Variants in STAT5A observed in about 807,000 individuals in gnomAD.
STAT5A encodes epididymis secretory sperm binding protein.
A neutral mutation model predicts 100.2 loss-of-function variants in STAT5A; 26 were observed. The observed-to-expected ratio is 0.26, with a 90% CI of 0.19 to 0.36. The LOEUF (loss-of-function observed/expected upper bound fraction) is 0.36, where lower values mean the gene tolerates loss of function less well. Among genes scored for constraint, STAT5A ranks in the 10% least tolerant of loss-of-function variants. STAT5A has a pLI of 1.00. For missense variants in STAT5A, 634 were observed against 1,027.5 expected, an observed-to-expected ratio of 0.62 and a Z score of 5.24; for synonymous variants, 330 against 424.3, an observed-to-expected ratio of 0.78 and a Z score of 2.73.
chr17:42,305,858 T>C (rs2081023637), intron 12 of STAT5A, among the ~76,000 whole-genome samples, 156 bp downstream of exon 12: 1 of 152,206 alleles, frequency 6.6e-6, no homozygotes, highest in Non-Finnish European at 1.5e-5. Flanking sequence ...GCTGGGCGCC[T>C]GCCTTCCACC....
At chr17:42,289,601 T>C (rs2080850263) in intron 2 of STAT5A, 62 bp downstream of exon 2, 3 of 1,573,394 alleles carry the variant, frequency 1.9e-6, no homozygotes, top group East Asian at 2.3e-5. Flanking sequence ...CTTTGGCCTC[T>C]AGTTTTACTC....
At position 42,308,442 on chromosome 17, in the gene STAT5A, G is replaced by A. The variant is rs894351643; in HGVS notation, c.2062+109G>A. On this transcript the variant is annotated intron_variant, in intron 16 of 18. Coordinates refer to ENST00000590949, the MANE Select transcript of STAT5A (RefSeq NM_001288718.2). The surrounding 1 kb of genome is among the most constrained non-coding windows in gnomAD (Gnocchi z 4.6). ...GGACTTCCCCAGGAGGAGCCTAGGG[G>A]CCATGTCCCCTGTGGGTTTTGGCCC... is the stretch of plus-strand genomic sequence containing the variant. 2.0e-6 allele frequency: 3 copies of A among 1,507,384 alleles called. No individual in the cohort carries two copies. The highest frequency in any genetic ancestry group is 2.7e-6 in the Non-Finnish European group (3 of 1,105,670). The allele number at this position is 1,507,384 out of a possible 1,614,324, so 93.4% of individuals were successfully genotyped here.
At chr17:42,305,081 T>C (rs1388172923) in intron 11 of STAT5A, among the ~76,000 whole-genome samples, 1 of 152,120 alleles carries the variant, frequency 6.6e-6, no homozygotes, top group Non-Finnish European at 1.5e-5. Flanking sequence ...GCACCTGTAG[T>C]CCCAGCTATT....
In STAT5A at chr17:42,295,809, G is replaced by A. The variant is rs1212125324; in HGVS notation, c.550+16G>A. 2 of 1,613,174 alleles carry A rather than the reference G, an allele frequency of 1.2e-6. No homozygotes were observed. The highest frequency in any genetic ancestry group is 2.2e-5 in the East Asian group (1 of 44,876). On this transcript the variant is annotated intron_variant, in intron 5 of 18. Transcript: ENST00000590949. ...AGGATCCAAGGTGAGGCGCGGTGGA[G>A]GCAGTGTGCATCCGGAGGGTGGGAG... is the stretch of plus-strand genomic sequence containing the variant.
chr17:42,310,801 T>C lies in STAT5A; in HGVS notation c.*132T>C. 7.1e-7 allele frequency: 1 copy of C among 1,412,018 alleles called. No homozygotes were observed. Among genetic ancestry groups the C allele is most frequent in the Non-Finnish European group, 9.5e-7 (1 of 1,049,888 alleles). The allele number at this position is 1,412,018 out of a possible 1,614,324, so 87.5% of individuals were successfully genotyped here. On this transcript the variant is annotated 3_prime_UTR_variant, in exon 19 of 19. Transcript: ENST00000590949. ...GCTTGTGTGTGTGTGTGTGTGTGTG[T>C]CCTTGTGCATGAGCTACGCCTGCCT...
Position 42,304,862 on chromosome 17 carries a change from C to A in STAT5A, c.1380+210C>A, listed in dbSNP as rs146136761. Among the ~76,000 whole-genome samples the A allele has an allele frequency of 3.8e-3, 579 of 152,268 alleles. 7 individuals are homozygous for A. The highest frequency in any genetic ancestry group is 0.012 in the African/African-American group (504 of 41,552). ...TGTAGTTTTTGTTTGTTTGCTTGTG[C>A]CTACATTTTGCTGGGAGGGGCTTGT... On this transcript the variant is annotated intron_variant, in intron 11 of 18. Coordinates refer to ENST00000590949, the MANE Select transcript of STAT5A (RefSeq NM_001288718.2). The surrounding 1 kb of genome is among the most constrained non-coding windows in gnomAD (Gnocchi z 4.8).
intron 12 of STAT5A, chr17:42,306,026 C>T (rs1442068204): frequency 5.2e-6 from 4 of 775,238 alleles, no homozygotes; most frequent in East Asian, 5.4e-5. Flanking sequence ...TCCCTGCATG[C>T]CCCCACCCCC....
chr17:42,308,410 G>A lies in STAT5A; in HGVS notation c.2062+77G>A, dbSNP rs141836654. ...GCCCATAGACAAAGCCTTGGGCTGC[G>A]CCGTGGGGACTTCCCCAGGAGGAGC... On this transcript the variant is annotated intron_variant, in intron 16 of 18. Coordinates refer to ENST00000590949, the MANE Select transcript of STAT5A (RefSeq NM_001288718.2). The surrounding 1 kb of genome is among the most constrained non-coding windows in gnomAD (Gnocchi z 4.6). 0.021 allele frequency: 33,796 copies of A among 1,601,708 alleles called. 435 individuals are homozygous for A. The highest frequency in any genetic ancestry group is 0.043 in the Middle Eastern group (256 of 5,962).
chr17:42,307,753 C>A, intron 15 of STAT5A, 30 bp downstream of exon 15: 1 of 1,607,078 alleles, frequency 6.2e-7, no homozygotes, highest in Non-Finnish European at 8.5e-7. Context: ...ACACTCCAGC[C>A]CCAAGGCCCG....
At position 42,308,516 on chromosome 17, in the gene STAT5A, G is replaced by A. The variant is rs1347739363; in HGVS notation, c.2062+183G>A. ...GGGCTCACAAATGAGGAGAGGGAAC[G>A]AGAAACCCGTCCCAGCTCTCTTCTC... On this transcript the variant is annotated intron_variant, in intron 16 of 18. Coordinates refer to ENST00000590949, the MANE Select transcript of STAT5A (RefSeq NM_001288718.2). This position sits in a 1 kb window ranked among gnomAD's most constrained non-coding sequence, Gnocchi z 4.6. The A allele has an allele frequency of 6.5e-5, 48 of 743,566 alleles. No homozygotes were observed. Among genetic ancestry groups the A allele is most frequent in the East Asian group, 2.5e-4 (9 of 36,730 alleles). The allele number at this position is 743,566 out of a possible 1,614,324, so 46.1% of individuals were successfully genotyped here.
chr17:42,308,384 A>T lies in STAT5A; in HGVS notation c.2062+51A>T. ...GGCTGACTCCCCCGGGCTCTTCCCC[A>T]GCCCATAGACAAAGCCTTGGGCTGC... On this transcript the variant is annotated intron_variant, in intron 16 of 18. Coordinates refer to ENST00000590949, the MANE Select transcript of STAT5A (RefSeq NM_001288718.2). The surrounding 1 kb of genome is among the most constrained non-coding windows in gnomAD (Gnocchi z 4.6). The T allele has an allele frequency of 1.2e-6, 2 of 1,613,040 alleles. No individual in the cohort carries two copies. Among genetic ancestry groups the T allele is most frequent in the Non-Finnish European group, 1.7e-6 (2 of 1,179,688 alleles).
intron 13 of STAT5A, among the ~76,000 whole-genome samples, chr17:42,306,690 T>C (rs768798951): frequency 9.2e-5 from 14 of 151,916 alleles, no homozygotes; most frequent in Non-Finnish European, 2.1e-4. Flanking sequence ...GTCAGGATCC[T>C]TGGGTTCTGG....
intron 17 of STAT5A, 23 bp from the exon 18 acceptor site, chr17:42,309,354 G>A: frequency 1.9e-6 from 3 of 1,611,740 alleles, no homozygotes; most frequent in Non-Finnish European, 2.5e-6. Flanking sequence ...GGTGGCTGAA[G>A]CTCTGTTCTC....
At chr17:42,292,852 A>G (rs1430068028) in intron 4 of STAT5A, among the ~76,000 whole-genome samples, 1 of 136,902 alleles carries the variant, frequency 7.3e-6, no homozygotes, top group East Asian at 2.2e-4. Context: ...CTGGTCTTGA[A>G]CTCCTGACCT....
In STAT5A at chr17:42,292,015, G is replaced by A. The variant is rs202112433; in HGVS notation, c.329G>A (p.Arg110Gln). Residue 110 changes from arginine (R) to glutamine (Q), a missense_variant, in exon 4 of 19, where the codon CGG becomes CAG. Arg to Gln is a conservative substitution (Grantham distance 43). Coordinates refer to ENST00000590949, the MANE Select transcript of STAT5A (RefSeq NM_001288718.2). Reference sequence around the variant, plus strand: ...CCCCTGGAGCTGGTCCGCTGCATCCGGCACATTCTGTACAATGAACAGAGG... The same window carrying A: ...CCCCTGGAGCTGGTCCGCTGCATCCAGCACATTCTGTACAATGAACAGAGG... ...RCPLELVRCIRHILYNEQRLV... is the reference protein window; with the variant it reads ...RCPLELVRCIQHILYNEQRLV... The A allele has an allele frequency of 4.3e-6, 7 of 1,613,974 alleles. No homozygotes were observed. The highest frequency in any genetic ancestry group is 4.5e-5 in the East Asian group (2 of 44,866).
At chr17:42,289,564 C>T (rs1389565590) in intron 2 of STAT5A, 25 bp downstream of exon 2, 2 of 1,608,582 alleles carry the variant, frequency 1.2e-6, no homozygotes, top group South Asian at 2.2e-5. Context: ...CCCTGCCCCT[C>T]CTCAGAGGGT....
chr17:42,290,157 TC>T (rs1479174871), intron 3 of STAT5A, 135 bp downstream of exon 3: 17 of 1,227,624 alleles, frequency 1.4e-5, no homozygotes, highest in Non-Finnish European at 1.7e-5. Context: ...TTCTTCGATT[TC>T]CCCCACCCCC....
chr17:42,302,428 G>T (rs1406800983), intron 9 of STAT5A, among the ~76,000 whole-genome samples: 2 of 152,166 alleles, frequency 1.3e-5, no homozygotes, highest in African/African-American at 4.8e-5. Context: ...GGTAGCTAGT[G>T]ATAGGGAGGG....
In STAT5A at chr17:42,288,851, C is replaced by G. The variant is rs1020669949; in HGVS notation, c.-11+253C>G. ...AGAGGGAGCACCTGTCGGGCTGGAC[C>G]CGGGGAGGCACTAGTGCACAGATGG... On this transcript the variant is annotated intron_variant, in intron 1 of 18. Coordinates refer to ENST00000590949, the MANE Select transcript of STAT5A (RefSeq NM_001288718.2). This position sits in a 1 kb window ranked among gnomAD's most constrained non-coding sequence, Gnocchi z 4.8. 6.6e-6 allele frequency among the ~76,000 whole-genome samples: 1 copy of G among 152,164 alleles called. No homozygotes were observed. Among genetic ancestry groups the G allele is most frequent in the African/African-American group, 2.4e-5 (1 of 41,444 alleles).
Sources: gnomAD v4.1 joint callset for allele counts (sites outside exome capture counted in the v4.1 genomes callset) on GRCh38, gnomAD v4.1.1 for gene constraint, Gnocchi (gnomAD v3.1) non-coding constraint, MANE v1.5 for transcripts, NCBI Gene and HGNC (gene_info 2026-07-23, HGNC 2026-07-21) for gene names.